Variants in LGALS2 observed in about 807,000 individuals in gnomAD.
LGALS2 encodes the protein galectin 2.
A neutral mutation model predicts 10.1 loss-of-function variants in LGALS2; 7 were observed. The observed-to-expected ratio is 0.70, with a 90% CI of 0.40 to 1.31. The LOEUF is 1.31. LGALS2 is among the 50% of genes most tolerant of loss of function. The probability of loss-of-function intolerance (pLI) is 0.01; values close to 1 mark genes in which losing one functional copy is unlikely to be tolerated. For missense variants in LGALS2, 167 were observed against 163.6 expected, an observed-to-expected ratio of 1.02 and a Z score of -0.11; for synonymous variants, 86 against 64.2, an observed-to-expected ratio of 1.34 and a Z score of -1.63.
chr22:37,576,064 TG>T (rs1178697387), intron 1 of LGALS2, among the ~76,000 whole-genome samples: 1 of 151,888 alleles, frequency 6.6e-6, no homozygotes, highest in African/African-American at 2.4e-5. Context: ...TTAGAGAAAG[TG>T]GGGTTTGGAG....
chr22:37,570,842 T>C, intron 2 of LGALS2, 107 bp from the exon 3 acceptor site: 2 of 1,252,782 alleles, frequency 1.6e-6, no homozygotes, highest in Non-Finnish European at 2.3e-6. Context: ...AAAGCTTGTG[T>C]TAGTTGAGAT....
chr22:37,572,330 G>A (rs1029967239), intron 1 of LGALS2, among the ~76,000 whole-genome samples: 1 of 152,176 alleles, frequency 6.6e-6, no homozygotes, highest in Admixed American at 6.5e-5. Context: ...CAAGATCTTG[G>A]CCCACCCAAA....
rs538252295 is a variant in LGALS2 at position 37,577,344 on chromosome 22, A to T, written c.6+2556T>A. 8.1e-4 allele frequency among the ~76,000 whole-genome samples: 116 copies of T among 143,596 alleles called. 1 individual carries two copies. The highest frequency in any genetic ancestry group is 2.8e-3 in the African/African-American group (112 of 39,312). 94.2% of individuals were successfully genotyped at this position (143,596 alleles called of 152,430 possible). ...AATTCATGTCCACCTGGAACCTGTC[A>T]ATGTGACCTTTTTTTTTTTTTTTGA... On this transcript the variant is annotated intron_variant, in intron 1 of 3. Transcript: ENST00000215886.
intron 1 of LGALS2, among the ~76,000 whole-genome samples, chr22:37,574,876 C>CTT (rs1344887301): frequency 8.0e-5 from 11 of 137,206 alleles, no homozygotes; most frequent in South Asian, 2.3e-4. Flanking sequence ...GCAGTAAGTT[C>CTT]TTTTTTTTTT....
intron 1 of LGALS2, among the ~76,000 whole-genome samples, chr22:37,577,621 C>T (rs376268730): frequency 2.4e-4 from 36 of 151,838 alleles, no homozygotes; most frequent in African/African-American, 5.1e-4. Context: ...TCAAGTGATC[C>T]GCCTGCCTCG....
chr22:37,576,394 G>A (rs1257370265), intron 1 of LGALS2, among the ~76,000 whole-genome samples: 1 of 150,150 alleles, frequency 6.7e-6, no homozygotes, highest in East Asian at 2.0e-4. Context: ...GGTGCTTGCA[G>A]TGAGCCAAGA....
chr22:37,572,623 C>T (rs2145819436), intron 1 of LGALS2, among the ~76,000 whole-genome samples: 1 of 151,840 alleles, frequency 6.6e-6, no homozygotes, highest in African/African-American at 2.4e-5. Context: ...AAAAGTTAGC[C>T]GGGTGTGGTG....
At position 37,579,935 on chromosome 22, in the gene LGALS2, G is replaced by A. The variant is rs766318716; in HGVS notation, c.-30C>T. Reference sequence around the variant, plus strand: ...ACAGCTCCTGGCGGCAGCTCCCAGCGGCTCCTGGAGGCCTGTGCTCAGGGT... The same window carrying A: ...ACAGCTCCTGGCGGCAGCTCCCAGCAGCTCCTGGAGGCCTGTGCTCAGGGT... On this transcript the variant is annotated 5_prime_UTR_variant, in exon 1 of 4. Coordinates refer to ENST00000215886, the MANE Select transcript of LGALS2 (RefSeq NM_006498.3). 5.9e-5 allele frequency: 95 copies of A among 1,611,082 alleles called. No homozygotes were observed. Among genetic ancestry groups the A allele is most frequent in the Middle Eastern group, 3.3e-4 (2 of 6,072 alleles).
chr22:37,573,090 A>G (rs761958503), intron 1 of LGALS2, among the ~76,000 whole-genome samples: 10 of 151,600 alleles, frequency 6.6e-5, no homozygotes, highest in Admixed American at 1.3e-4. Flanking sequence ...TCTGCCTAAC[A>G]TTTAACCCTG....
intron 1 of LGALS2, among the ~76,000 whole-genome samples, chr22:37,574,957 A>G (rs536660471): frequency 6.7e-6 from 1 of 149,540 alleles, no homozygotes; most frequent in South Asian, 2.1e-4. Context: ...ATCTTGGCTC[A>G]CTGCAACCTC....
chr22:37,579,615 G>A (rs982755658), intron 1 of LGALS2, among the ~76,000 whole-genome samples: 1 of 151,994 alleles, frequency 6.6e-6, no homozygotes, highest in Non-Finnish European at 1.5e-5. Flanking sequence ...TATTTTTTTA[G>A]TAGAGACGGG....
chr22:37,570,437 A>AG lies in LGALS2; in HGVS notation c.250-26dup. ...ACTGTGGGGAGGGAGGGTGTCAAGG[A>AG]GGCAGGAGGCCCTGGAAATGGGCCA... On this transcript the variant is annotated intron_variant, in intron 3 of 3. Coordinates refer to ENST00000215886, the MANE Select transcript of LGALS2 (RefSeq NM_006498.3). 3 of 1,609,190 alleles carry AG rather than the reference A, an allele frequency of 1.9e-6. No individual in the cohort carries two copies. In the South Asian group the frequency reaches 3.3e-5, roughly 18 times the overall value.
At chr22:37,578,610 G>A (rs9607477) in intron 1 of LGALS2, 1 of 152,020 alleles carries the variant, frequency 6.6e-6, no homozygotes, top group Non-Finnish European at 1.5e-5. Flanking sequence ...GAACCCAGGA[G>A]TTTGATATCA....
chr22:37,577,655 A>AG (rs1000981786), intron 1 of LGALS2, among the ~76,000 whole-genome samples: 1 of 152,100 alleles, frequency 6.6e-6, no homozygotes, highest in African/African-American at 2.4e-5. Context: ...CTGGGATTAC[A>AG]GGGGTGAGCC....
In LGALS2 at chr22:37,571,843, G is replaced by C; in HGVS notation, c.89+6C>G. The C allele has an allele frequency of 1.9e-6, 3 of 1,612,484 alleles. No homozygotes were observed. In the South Asian group the frequency reaches 3.3e-5, roughly 18 times the overall value. Reference sequence around the variant, plus strand: ...CAGACTCCCCCAACCCTGAAACCTTGCTCACCCATCAGTGCCATCGGCGAT... The same window carrying C: ...CAGACTCCCCCAACCCTGAAACCTTCCTCACCCATCAGTGCCATCGGCGAT... On this transcript the variant is annotated splice_donor_region_variant and intron_variant, in intron 2 of 3. Transcript: ENST00000215886.
chr22:37,574,155 T>C (rs1302383790), intron 1 of LGALS2, among the ~76,000 whole-genome samples: 4 of 152,192 alleles, frequency 2.6e-5, no homozygotes, highest in Admixed American at 2.6e-4. Flanking sequence ...TGAATTTCTG[T>C]ACAGTAGGAG....
At chr22:37,578,816 A>T (rs1397064539) in intron 1 of LGALS2, 2 of 151,720 alleles carry the variant, frequency 1.3e-5, no homozygotes, top group Non-Finnish European at 2.9e-5. Context: ...GGCCAGGAGC[A>T]GTGGCTCACA....
intron 1 of LGALS2, among the ~76,000 whole-genome samples, chr22:37,579,263 A>AAAAAAGAG (rs71195028): frequency 5.8e-5 from 7 of 121,274 alleles, no homozygotes; most frequent in Non-Finnish European, 1.0e-4. Context: ...AAAAAAAAAA[A>AAAAAAGAG]AGAGAAAGAA....
At chr22:37,577,352 C>CT (rs35255946) in intron 1 of LGALS2, among the ~76,000 whole-genome samples, 51,397 of 136,668 alleles carry the variant, frequency 0.38, 10,495 homozygotes, top group South Asian at 0.51. Context: ...TCAATGTGAC[C>CT]TTTTTTTTTT....
Sources: allele counts gnomAD v4.1 joint callset (sites outside exome capture counted in the v4.1 genomes callset), GRCh38; gene constraint gnomAD v4.1.1; transcripts MANE v1.5; gene names NCBI Gene and HGNC (gene_info 2026-07-23, HGNC 2026-07-21).